The following ATP13A3 variants were observed in gnomAD, a reference collection of about 807,000 sequenced individuals.
ATP13A3 encodes the protein ATPase 13A3.
A neutral mutation model predicts 158.1 loss-of-function variants in ATP13A3; 59 were observed. That is an observed-to-expected ratio of 0.37 (90% CI 0.30 to 0.46). ATP13A3 has a LOEUF of 0.46. Ranked by LOEUF, ATP13A3 falls within the 20% of genes least tolerant of loss-of-function variation. ATP13A3 has a pLI of 1.00. For missense variants in ATP13A3, 1,166 were observed against 1,525.2 expected (o/e 0.76, Z 3.92); for synonymous variants, 491 against 504.3 (o/e 0.97, Z 0.35).
chr3:194,447,174 G>A, intron 13 of ATP13A3, 59 bp from the exon 14 acceptor site: 1 of 1,410,492 alleles, frequency 7.1e-7, no homozygotes, highest in Non-Finnish European at 9.8e-7. Flanking sequence ...ATTTAATATG[G>A]GTATTTCTTT....
rs140000413 is a variant in ATP13A3 at position 194,483,500 on chromosome 3, G to A, written c.-47+2294C>T. On this transcript the variant is annotated intron_variant, in intron 2 of 33. Transcript: ENST00000645319. ...AGCTACTCTGGAAGCTGAGGTGGGA[G>A]GACTGCTTGAGCCCAGAAGGTCAAG... 8.4e-3 allele frequency among the ~76,000 whole-genome samples: 1,260 copies of A among 149,620 alleles called. 20 individuals are homozygous for A. Among genetic ancestry groups the A allele is most frequent in the African/African-American group, 0.029 (1,161 of 40,528 alleles).
intron 31 of ATP13A3, among the ~76,000 whole-genome samples, chr3:194,414,699 GATAA>G (rs1303505091): frequency 2.6e-5 from 4 of 152,164 alleles, no homozygotes; most frequent in South Asian, 4.1e-4. Context: ...AAAAGGCACA[GATAA>G]ATAGACACAC....
intron 13 of ATP13A3, 76 bp downstream of exon 13, chr3:194,447,776 C>A: frequency 7.6e-7 from 1 of 1,314,164 alleles, no homozygotes; most frequent in South Asian, 1.5e-5. Context: ...TCTCAGTAGC[C>A]ACATTTCAAA....
chr3:194,435,296 C>T (rs147641532), intron 20 of ATP13A3, among the ~76,000 whole-genome samples: 3 of 152,264 alleles, frequency 2.0e-5, no homozygotes, highest in Non-Finnish European at 4.4e-5. Flanking sequence ...AGCACTAAGC[C>T]GCTTTCCTTC....
intron 2 of ATP13A3, among the ~76,000 whole-genome samples, chr3:194,470,757 A>G (rs1386869367): frequency 6.6e-6 from 1 of 152,230 alleles, no homozygotes; most frequent in Admixed American, 6.5e-5. Flanking sequence ...TTAAAATTCC[A>G]CATTCAAGGT....
chr3:194,421,153 A>ATACTATATATATAGTT lies in ATP13A3; in HGVS notation c.3314-1187_3314-1186insAACTATATATATAGTA, dbSNP rs1553796375. Among the ~76,000 whole-genome samples, 8 of 4,106 alleles carry ATACTATATATATAGTT rather than the reference A, an allele frequency of 1.9e-3. 1 individual carries two copies. The highest frequency in any genetic ancestry group is 5.0e-3 in the African/African-American group (8 of 1,608). The allele number at this position is 4,106 out of a possible 152,430, so 2.7% of individuals were successfully genotyped here. On this transcript the variant is annotated intron_variant, in intron 30 of 33. Coordinates refer to ENST00000645319, the MANE Select transcript of ATP13A3 (RefSeq NM_001367549.1). Reference sequence around the variant, plus strand: ...ATATATATAGTATATATATATATATATATATATATATATATAGTTTTAGTA... The same window carrying ATACTATATATATAGTT: ...ATATATATAGTATATATATATATATATACTATATATATAGTTTATATATATATATATAGTTTTAGTA...
intron 30 of ATP13A3, among the ~76,000 whole-genome samples, chr3:194,420,618 T>C (rs1560074369): frequency 6.6e-6 from 1 of 152,162 alleles, no homozygotes; most frequent in Non-Finnish European, 1.5e-5. Flanking sequence ...TGGCTTGCTA[T>C]GGGAGCTGGG....
intron 33 of ATP13A3, among the ~76,000 whole-genome samples, chr3:194,410,197 C>T (rs528115349): frequency 6.1e-5 from 9 of 147,000 alleles, no homozygotes; most frequent in South Asian, 2.2e-4. Context: ...TGGTGGCTCA[C>T]GCCTGTAATC....
intron 8 of ATP13A3, among the ~76,000 whole-genome samples, 177 bp from the exon 9 acceptor site, chr3:194,454,569 C>G (rs182052832): frequency 1.3e-5 from 2 of 152,214 alleles, no homozygotes; most frequent in Non-Finnish European, 2.9e-5. Flanking sequence ...TGGCTCACGC[C>G]TGTAATCCCA....
chr3:194,435,903 T>A (rs192293693), intron 20 of ATP13A3, among the ~76,000 whole-genome samples: 6 of 152,052 alleles, frequency 3.9e-5, no homozygotes, highest in Non-Finnish European at 8.8e-5. Context: ...CGAGACTCCG[T>A]CTCAAAAGAA....
At position 194,448,139 on chromosome 3, in the gene ATP13A3, G is replaced by A; in HGVS notation, c.1151-130C>T. ...GTCACCCAGGCTGGAGTACAGTGGT[G>A]TGATCTCGACTCACTGCAAGCTCCG... On this transcript the variant is annotated intron_variant, in intron 12 of 33. Coordinates refer to ENST00000645319, the MANE Select transcript of ATP13A3 (RefSeq NM_001367549.1). The surrounding 1 kb of genome is among the most constrained non-coding windows in gnomAD (Gnocchi z 4.0). 1 of 910,878 alleles carries A rather than the reference G, an allele frequency of 1.1e-6. No homozygotes were observed. Among genetic ancestry groups the A allele is most frequent in the Admixed American group, 2.6e-5 (1 of 38,054 alleles). The allele number at this position is 910,878 out of a possible 1,614,324, so 56.4% of individuals were successfully genotyped here. A position where few individuals can be genotyped will look rare whatever the true frequency, so the allele number is the denominator to read the frequency against.
Position 194,430,186 on chromosome 3 carries a change from T to C in ATP13A3, c.2668-5A>G, listed in dbSNP as rs759994460. On this transcript the variant is annotated splice_region_variant and splice_polypyrimidine_tract_variant and intron_variant, in intron 25 of 33. Transcript: ENST00000645319. ...TCCGTGTGCCCTCTTCAAAGCCTAATAATTTTAAGAAAACTGGTTAAGTTT... is the reference window on the plus strand; with the variant it reads ...TCCGTGTGCCCTCTTCAAAGCCTAACAATTTTAAGAAAACTGGTTAAGTTT... The C allele has an allele frequency of 5.0e-6, 8 of 1,613,700 alleles. No individual in the cohort carries two copies. The South Asian group carries it at 7.7e-5, about 16-fold the overall frequency.
intron 2 of ATP13A3, among the ~76,000 whole-genome samples, chr3:194,472,485 G>A (rs554130071): frequency 6.6e-6 from 1 of 152,180 alleles, no homozygotes; most frequent in East Asian, 1.9e-4. Flanking sequence ...CACCACTAGG[G>A]GATGTTCCAA....
In ATP13A3 at chr3:194,429,700, A is replaced by C; in HGVS notation, c.2852T>G (p.Phe951Cys). 1 of 1,612,424 alleles carries C rather than the reference A, an allele frequency of 6.2e-7. No individual in the cohort carries two copies. The highest frequency in any genetic ancestry group is 8.5e-7 in the Non-Finnish European group (1 of 1,178,468). The change falls in exon 27 of 34, where the codon TTC becomes TGC. Residue 951 changes from phenylalanine to cysteine, a missense_variant. Phe to Cys is a radical substitution (Grantham distance 205, BLOSUM62 -2). This residue lies in a region of ATP13A3 where 997 missense variants were observed against 1,341.2 expected (regional missense o/e 0.74). Transcript: ENST00000645319. ...FMALYSIIQYFSVTLLYSILS... is the reference protein window; with the variant it reads ...FMALYSIIQYCSVTLLYSILS... Reference sequence around the variant, plus strand: ...CACAGAATACAGCAGAGTAACACTGAAGTACTGGATAATGCTGTACAATGC... The same window carrying C: ...CACAGAATACAGCAGAGTAACACTGCAGTACTGGATAATGCTGTACAATGC...
chr3:194,446,994 C>T lies in ATP13A3; in HGVS notation c.1430G>A (p.Gly477Asp), dbSNP rs1305465691. Reference protein sequence around the residue: ...VYAQRRLKKIGIFCISPQRIN... With the variant: ...VYAQRRLKKIDIFCISPQRIN... ...TCTTTGAGGACTGATACAGAAAATA[C>T]CGATTTTTTTCAGTCTTCTCTGAGC... Residue 477 changes from glycine to aspartate, a missense_variant, in exon 14 of 34, where the codon GGT becomes GAT. Physicochemically the swap from Gly to Asp is moderately conservative, Grantham distance 94. This residue lies in a region of ATP13A3 where 997 missense variants were observed against 1,341.2 expected (regional missense o/e 0.74). Transcript: ENST00000645319. The T allele has an allele frequency of 6.2e-7, 1 of 1,613,632 alleles. No homozygotes were observed. Among genetic ancestry groups the T allele is most frequent in the Non-Finnish European group, 8.5e-7 (1 of 1,179,900 alleles).
In ATP13A3 at chr3:194,431,850, C is replaced by G; in HGVS notation, c.2288G>C (p.Gly763Ala). ...CACTTTATCCTGAGGTAGAATCATT[C>G]CACAATCTCTGGCCACAGAGACAGC... ...LTAVSVARDC[G>A]MILPQDKVII... The change falls in exon 22 of 34, where the codon GGA becomes GCA. Residue 763 changes from glycine to alanine, a missense_variant. Physicochemically the swap from Gly to Ala is moderately conservative, Grantham distance 60. This residue lies in a region of ATP13A3 where 997 missense variants were observed against 1,341.2 expected (regional missense o/e 0.74). Transcript: ENST00000645319. The G allele has an allele frequency of 6.2e-7, 1 of 1,608,874 alleles. No homozygotes were observed. Among genetic ancestry groups the G allele is most frequent in the East Asian group, 2.2e-5 (1 of 44,688 alleles).
At chr3:194,444,655 T>C in intron 15 of ATP13A3, 70 bp downstream of exon 15, 2 of 1,330,026 alleles carry the variant, frequency 1.5e-6, no homozygotes, top group Non-Finnish European at 2.1e-6. Context: ...ACTTCCTTTA[T>C]GTTTGAATGT....
At chr3:194,409,643 TC>T (rs1173768866) in intron 33 of ATP13A3, among the ~76,000 whole-genome samples, 1 of 151,224 alleles carries the variant, frequency 6.6e-6, no homozygotes, top group Non-Finnish European at 1.5e-5. Flanking sequence ...AGGGTAGAAT[TC>T]AAAGCATTTC....
At chr3:194,433,994 TAA>T (rs1249460256) in intron 20 of ATP13A3, 98 bp from the exon 21 acceptor site, 2 of 1,244,540 alleles carry the variant, frequency 1.6e-6, no homozygotes, top group East Asian at 2.5e-5. Context: ...AAAATGTCTA[TAA>T]GTTATAATGC....
Sources: gnomAD v4.1 joint callset for allele counts (sites outside exome capture counted in the v4.1 genomes callset) on GRCh38, gnomAD v4.1.1 for gene constraint, gnomAD v4.1.1 regional missense constraint, Gnocchi (gnomAD v3.1) non-coding constraint, MANE v1.5 for transcripts, NCBI Gene and HGNC (gene_info 2026-07-23, HGNC 2026-07-21) for gene names.